The following FER1L5 variants were observed in gnomAD, a reference collection of about 807,000 sequenced individuals.
FER1L5 encodes fer-1-like protein 5.
In FER1L5, 187 loss-of-function variants were observed where a neutral mutation model predicts 279.9. The observed-to-expected ratio is 0.67, with a 90% CI of 0.59 to 0.75. FER1L5 has a LOEUF of 0.75. FER1L5 is among the 30% of genes least tolerant of loss of function. The probability of loss-of-function intolerance (pLI) is 0.00; values close to 1 mark genes in which losing one functional copy is unlikely to be tolerated. For missense variants in FER1L5, 2,091 were observed against 2,594.4 expected (o/e 0.81, Z 4.21); for synonymous variants, 921 against 989.7 (o/e 0.93, Z 1.30).
intron 4 of FER1L5, 147 bp downstream of exon 4, chr2:96,648,033 C>T (rs2075211557): frequency 1.3e-5 from 8 of 633,482 alleles, no homozygotes; most frequent in Middle Eastern, 4.1e-4. Context: ...CCATCATCTG[C>T]GCCCCCCTCC....
At chr2:96,675,653 C>T (rs1221270610) in intron 19 of FER1L5, among the ~76,000 whole-genome samples, 2 of 152,224 alleles carry the variant, frequency 1.3e-5, no homozygotes, top group Admixed American at 1.3e-4. Context: ...CCTTGAACTC[C>T]TGACCTCAAG....
At chr2:96,651,263 C>CTTTCT (rs2075359310) in intron 6 of FER1L5, among the ~76,000 whole-genome samples, 2 of 149,816 alleles carry the variant, frequency 1.3e-5, no homozygotes, top group African/African-American at 2.5e-5. Context: ...TTCTTTCTTT[C>CTTTCT]TTTCTTTCTT....
At chr2:96,676,773 A>T (rs2076525298) in intron 19 of FER1L5, among the ~76,000 whole-genome samples, 1 of 152,158 alleles carries the variant, frequency 6.6e-6, no homozygotes. Context: ...CACCTCACAG[A>T]AATAATTGTT....
chr2:96,652,255 A>C (rs2075413022), intron 7 of FER1L5: 1 of 552,940 alleles, frequency 1.8e-6, no homozygotes, highest in Non-Finnish European at 3.2e-6. Context: ...GTAAACAATT[A>C]CAACAGAGCA....
rs1049942071 is a variant in FER1L5, at chr2:96,702,584, A to G, written c.5256-16A>G. ...CCAATGCACATGAGCCACAGGTGATAGGACTCTGGCCCCAGGTGGTTATAC... is the reference window on the plus strand; with the variant it reads ...CCAATGCACATGAGCCACAGGTGATGGGACTCTGGCCCCAGGTGGTTATAC... On this transcript the variant is annotated splice_polypyrimidine_tract_variant and intron_variant, in intron 47 of 52. Transcript: ENST00000624922. This position sits in a 1 kb window ranked among gnomAD's most constrained non-coding sequence, Gnocchi z 4.0. 6.4e-7 allele frequency: 1 copy of G among 1,559,942 alleles called. No homozygotes were observed. Among genetic ancestry groups the G allele is most frequent in the Middle Eastern group, 1.7e-4 (1 of 6,008 alleles).
rs1304217289 is a variant in FER1L5, at chr2:96,690,412, G to T, written c.2641-75G>T. 2.2e-6 allele frequency: 3 copies of T among 1,369,588 alleles called. No individual in the cohort carries two copies. In the African/African-American group the frequency reaches 4.3e-5, roughly 20 times the overall value. 84.8% of individuals were successfully genotyped at this position (1,369,588 alleles called of 1,614,324 possible). On this transcript the variant is annotated intron_variant, in intron 26 of 52. Coordinates refer to ENST00000624922, the MANE Select transcript of FER1L5 (RefSeq NM_001293083.2). Reference sequence around the variant, plus strand: ...GCGGCCACAGCAGGCACGCACACAGGTGTGGGAAGAGGGAGGGAGGGCAGC... The same window carrying T: ...GCGGCCACAGCAGGCACGCACACAGTTGTGGGAAGAGGGAGGGAGGGCAGC...
In FER1L5 at chr2:96,697,452, C is replaced by T. The variant is rs1210402538; in HGVS notation, c.4084-74C>T. 12 of 1,539,980 alleles carry T rather than the reference C, an allele frequency of 7.8e-6. No individual in the cohort carries two copies. The Admixed American group carries it at 1.5e-4, about 19-fold the overall frequency. On this transcript the variant is annotated intron_variant, in intron 37 of 52. Transcript: ENST00000624922. ...GGCACCAGGGAAGCTCTGGCCTCAA[C>T]CCCCCTCTCCTCTCTGAAGTCAGAG... is the stretch of plus-strand genomic sequence containing the variant.
chr2:96,685,553 C>G, intron 21 of FER1L5, 124 bp downstream of exon 21: 1 of 808,398 alleles, frequency 1.2e-6, no homozygotes, highest in Non-Finnish European at 1.9e-6. Context: ...CTGCTCAGAC[C>G]TCTCCCCAGC....
Position 96,702,061 on chromosome 2 carries a change from T to G in FER1L5, c.5159+18T>G. ...CCTAAACGGTGAGTGACAGCCCACT[T>G]CCCAACTGCTGCATTTCACAGTTCA... On this transcript the variant is annotated intron_variant, in intron 46 of 52. Coordinates refer to ENST00000624922, the MANE Select transcript of FER1L5 (RefSeq NM_001293083.2). This position sits in a 1 kb window ranked among gnomAD's most constrained non-coding sequence, Gnocchi z 4.0. The G allele has an allele frequency of 1.9e-6, 3 of 1,613,368 alleles. No individual in the cohort carries two copies. The highest frequency in any genetic ancestry group is 2.5e-6 in the Non-Finnish European group (3 of 1,179,434).
intron 9 of FER1L5, among the ~76,000 whole-genome samples, chr2:96,656,089 A>G (rs539643639): frequency 6.6e-6 from 1 of 152,080 alleles, no homozygotes; most frequent in Non-Finnish European, 1.5e-5. Context: ...ATCAATTCAC[A>G]GTCAATTGTG....
rs1324374257 is a variant in FER1L5, at chr2:96,700,085, G to A, written c.4930+5G>A. 2 of 1,613,752 alleles carry A rather than the reference G, an allele frequency of 1.2e-6. No homozygotes were observed. The highest frequency in any genetic ancestry group is 3.3e-5 in the Admixed American group (2 of 60,012). ...AGTTCAAGCTGCAAAGCTTTGGTGAGCAGCGCAGAACACTAGCAGAAAGCA... is the reference window on the plus strand; with the variant it reads ...AGTTCAAGCTGCAAAGCTTTGGTGAACAGCGCAGAACACTAGCAGAAAGCA... On this transcript the variant is annotated splice_donor_5th_base_variant and intron_variant, in intron 44 of 52. Coordinates refer to ENST00000624922, the MANE Select transcript of FER1L5 (RefSeq NM_001293083.2).
chr2:96,700,444 C>T lies in FER1L5; in HGVS notation c.5043C>T (p.Tyr1681=), dbSNP rs781707352. ...AGCACGTGGAGACCCGCACACTGTA[C>T]AGCCACAGCCAGCCAGGCATCGACC... The part of the protein sequence containing the change: ...VPEHVETRTL[Y]SHSQPGIDQG... Residue 1681 remains tyrosine (Y), a synonymous_variant, in exon 45 of 53, where the codon TAC becomes TAT. Coordinates refer to ENST00000624922, the MANE Select transcript of FER1L5 (RefSeq NM_001293083.2). 3 of 1,613,608 alleles carry T rather than the reference C, an allele frequency of 1.9e-6. No individual in the cohort carries two copies. The highest frequency in any genetic ancestry group is 1.6e-4 in the Middle Eastern group (1 of 6,062).
At chr2:96,693,724 T>C in intron 32 of FER1L5, 37 bp downstream of exon 32, 1 of 1,536,464 alleles carries the variant, frequency 6.5e-7, no homozygotes, top group South Asian at 1.2e-5. Context: ...GAAGAGGACC[T>C]ACCTCACAGA....
chr2:96,658,548 G>A (rs1052562683), intron 9 of FER1L5, among the ~76,000 whole-genome samples: 4 of 151,230 alleles, frequency 2.6e-5, no homozygotes, highest in Admixed American at 6.6e-5. Flanking sequence ...CACTGCACCC[G>A]GACGTGTATG....
In FER1L5 at chr2:96,644,460, C is replaced by T. The variant is rs978076932; in HGVS notation, c.85+1539C>T. 1.2e-3 allele frequency among the ~76,000 whole-genome samples: 176 copies of T among 147,766 alleles called. 1 individual carries two copies. The highest frequency in any genetic ancestry group is 4.3e-3 in the African/African-American group (172 of 39,718). ...TAGCGCCACTGCACTCTGGCCTGGGCGAAAAAGCAAGAGTCTGTCAGAAAG... is the reference window on the plus strand; with the variant it reads ...TAGCGCCACTGCACTCTGGCCTGGGTGAAAAAGCAAGAGTCTGTCAGAAAG... On this transcript the variant is annotated intron_variant, in intron 1 of 52. Transcript: ENST00000624922.
chr2:96,659,369 CTTTCTTTCTTT>C (rs2075791213), intron 9 of FER1L5, among the ~76,000 whole-genome samples: 1 of 14,498 alleles, frequency 6.9e-5, no homozygotes, highest in African/African-American at 4.8e-4. Context: ...TTCCTTCTTT[CTTTCTTTCTTT>C]CTTTCTTTCT....
chr2:96,664,915 A>G (rs1657003349), intron 14 of FER1L5, among the ~76,000 whole-genome samples: 1 of 152,224 alleles, frequency 6.6e-6, no homozygotes, highest in South Asian at 2.1e-4. Context: ...GCCTGGAGCC[A>G]TTATGGGAAC....
chr2:96,683,056 T>G (rs2076788172), intron 19 of FER1L5, among the ~76,000 whole-genome samples: 1 of 152,214 alleles, frequency 6.6e-6, no homozygotes, highest in Non-Finnish European at 1.5e-5. Flanking sequence ...AGAGCCACAC[T>G]GGAGACAGGC....
chr2:96,642,999 G>A, intron 1 of FER1L5, 78 bp downstream of exon 1: 2 of 1,252,654 alleles, frequency 1.6e-6, no homozygotes, highest in Non-Finnish European at 2.2e-6. Flanking sequence ...AGAGGTGTAT[G>A]GCACCCCACT....
Sources: gnomAD v4.1 joint callset for allele counts (sites outside exome capture counted in the v4.1 genomes callset) on GRCh38, gnomAD v4.1.1 for gene constraint, Gnocchi (gnomAD v3.1) non-coding constraint, MANE v1.5 for transcripts, NCBI Gene and HGNC (gene_info 2026-07-23, HGNC 2026-07-21) for gene names.